The following CTNND2 variants were observed in gnomAD, a reference collection of about 807,000 sequenced individuals.
CTNND2 encodes the protein catenin delta 2.
A neutral mutation model predicts 144.4 loss-of-function variants in CTNND2; 22 were observed. That is an observed-to-expected ratio of 0.15 (90% confidence interval 0.11 to 0.22). CTNND2 has a LOEUF of 0.22. CTNND2 is among the 10% of genes least tolerant of loss of function. The probability of loss-of-function intolerance (pLI) is 1.00; values close to 1 mark genes in which losing one functional copy is unlikely to be tolerated. For synonymous variants in CTNND2, 751 were observed against 695.6 expected (o/e 1.08, Z -1.25); for missense variants, 1,353 against 1,618.8 (o/e 0.84, Z 2.82).
intron 5 of CTNND2, among the ~76,000 whole-genome samples, chr5:11,398,206 A>G (rs1199964924): frequency 1.3e-5 from 2 of 152,246 alleles, no homozygotes; most frequent in African/African-American, 4.8e-5. Context: ...AGACTATAGC[A>G]TAACCATTAA....
chr5:11,883,954 G>A (rs1172336426), intron 1 of CTNND2, among the ~76,000 whole-genome samples: 1 of 152,150 alleles, frequency 6.6e-6, no homozygotes, highest in Non-Finnish European at 1.5e-5. Flanking sequence ...TTTTTCATAT[G>A]TTTGTTGGCC....
chr5:11,009,427 AGAG>A (rs1292418051), intron 18 of CTNND2, among the ~76,000 whole-genome samples: 2 of 152,218 alleles, frequency 1.3e-5, no homozygotes, highest in African/African-American at 4.8e-5. Context: ...AGCTGGGAAG[AGAG>A]AAGAAACTGA....
At chr5:11,847,507 C>G (rs779962085) in intron 1 of CTNND2, among the ~76,000 whole-genome samples, 1 of 151,726 alleles carries the variant, frequency 6.6e-6, no homozygotes, top group Non-Finnish European at 1.5e-5. Flanking sequence ...GGTAATAGGA[C>G]AGTTTGGTCA....
At chr5:11,132,645 T>C (rs916760149) in intron 12 of CTNND2, among the ~76,000 whole-genome samples, 1 of 152,284 alleles carries the variant, frequency 6.6e-6, no homozygotes, top group Non-Finnish European at 1.5e-5. Flanking sequence ...GTCTCTCGTA[T>C]TTCACTATGG....
chr5:11,763,017 A>T (rs540466925), intron 1 of CTNND2, among the ~76,000 whole-genome samples: 48 of 152,318 alleles, frequency 3.2e-4, no homozygotes, highest in African/African-American at 1.1e-3. Flanking sequence ...TGAATGGGTC[A>T]TAGGGGCAGA....
At chr5:11,885,392 T>C (rs1172754900) in intron 1 of CTNND2, among the ~76,000 whole-genome samples, 1 of 152,126 alleles carries the variant, frequency 6.6e-6, no homozygotes, top group African/African-American at 2.4e-5. Flanking sequence ...AGAGCAGAAG[T>C]AGCTACATTT....
At chr5:11,655,863 A>C (rs1259792213) in intron 2 of CTNND2, among the ~76,000 whole-genome samples, 1 of 151,986 alleles carries the variant, frequency 6.6e-6, no homozygotes, top group East Asian at 1.9e-4. Context: ...CAGGTTTCCC[A>C]AGTTGCTACT....
chr5:11,203,090 C>T (rs1737653098), intron 10 of CTNND2, among the ~76,000 whole-genome samples: 1 of 152,196 alleles, frequency 6.6e-6, no homozygotes, highest in African/African-American at 2.4e-5. Flanking sequence ...CAGGCATGAG[C>T]CACCGCACCT....
At chr5:11,650,974 G>C (rs1337602242) in intron 2 of CTNND2, among the ~76,000 whole-genome samples, 4 of 152,194 alleles carry the variant, frequency 2.6e-5, no homozygotes, top group African/African-American at 7.2e-5. Context: ...ATTTTCTGGG[G>C]AGAAATTCAA....
chr5:11,374,775 C>A, intron 7 of CTNND2, among the ~76,000 whole-genome samples: 1 of 99,412 alleles, frequency 1.0e-5, no homozygotes, highest in African/African-American at 3.5e-5. Context: ...TCCCAATCTA[C>A]TTTTTTTTTT....
At chr5:11,258,524 G>A (rs542840957) in intron 9 of CTNND2, among the ~76,000 whole-genome samples, 3 of 152,308 alleles carry the variant, frequency 2.0e-5, no homozygotes, top group South Asian at 2.1e-4. Flanking sequence ...AAAGGCAAGC[G>A]AACCTGGTCA....
chr5:11,247,646 A>C (rs548426398), intron 9 of CTNND2, among the ~76,000 whole-genome samples: 2 of 152,314 alleles, frequency 1.3e-5, no homozygotes, highest in South Asian at 4.1e-4. Flanking sequence ...AATTCAATTT[A>C]TTAGAAGTTA....
At chr5:11,413,386 G>A (rs1333589180) in intron 3 of CTNND2, among the ~76,000 whole-genome samples, 2 of 152,080 alleles carry the variant, frequency 1.3e-5, no homozygotes, top group Non-Finnish European at 2.9e-5. Context: ...TATTATTCAA[G>A]AATCACCAAT....
chr5:11,559,481 C>T (rs1048049359), intron 3 of CTNND2, among the ~76,000 whole-genome samples: 22 of 152,166 alleles, frequency 1.4e-4, no homozygotes, highest in African/African-American at 5.3e-4. Flanking sequence ...ACTGTGATCC[C>T]TTCAATAGTA....
chr5:11,291,476 T>A (rs558172839), intron 9 of CTNND2, among the ~76,000 whole-genome samples: 21 of 152,242 alleles, frequency 1.4e-4, no homozygotes, highest in African/African-American at 5.1e-4. Flanking sequence ...GTCTGCCACT[T>A]CCAATTCCTT....
intron 1 of CTNND2, among the ~76,000 whole-genome samples, chr5:11,781,609 T>A (rs913472644): frequency 6.6e-6 from 1 of 152,224 alleles, no homozygotes; most frequent in Non-Finnish European, 1.5e-5. Context: ...TGAAGAACCA[T>A]ATATATGAGC....
intron 3 of CTNND2, among the ~76,000 whole-genome samples, chr5:11,456,630 C>A (rs1044062802): frequency 2.0e-5 from 3 of 152,038 alleles, no homozygotes; most frequent in African/African-American, 7.2e-5. Flanking sequence ...AAAAGTACAT[C>A]CAGGGTGAAG....
At chr5:11,000,616 CT>C (rs1739854251) in intron 18 of CTNND2, among the ~76,000 whole-genome samples, 1 of 152,218 alleles carries the variant, frequency 6.6e-6, no homozygotes, top group Non-Finnish European at 1.5e-5. Context: ...TCTGGCAAGG[CT>C]CAAAACTATT....
At chr5:10,983,995 C>G (rs914787365) in intron 20 of CTNND2, among the ~76,000 whole-genome samples, 1 of 152,154 alleles carries the variant, frequency 6.6e-6, no homozygotes, top group Non-Finnish European at 1.5e-5. Context: ...ATCTTTCTCC[C>G]TGGAACTCGC....
Sources: allele counts gnomAD v4.1 joint callset (sites outside exome capture counted in the v4.1 genomes callset), GRCh38; gene constraint gnomAD v4.1.1; transcripts MANE v1.5; gene names NCBI Gene and HGNC (gene_info 2026-07-23, HGNC 2026-07-21).